Variants in NBPF12 observed in about 807,000 individuals in gnomAD.
The protein encoded by NBPF12 is NBPF member 12.
A neutral mutation model predicts 146.4 loss-of-function variants in NBPF12; 115 were observed. The ratio of observed to expected loss-of-function variants is 0.79; its 90% CI spans 0.68 to 0.92. The LOEUF is 0.92. NBPF12 is among the 40% of genes least tolerant of loss of function. The pLI is 0.00. For missense variants in NBPF12, 1,205 were observed against 1,326.8 expected (o/e 0.91, Z 1.43); for synonymous variants, 385 against 508.9 (o/e 0.76, Z 3.28).
At chr1:146,962,884 C>A (rs1373497788) in intron 5 of NBPF12, among the ~76,000 whole-genome samples, 1 of 151,308 alleles carries the variant, frequency 6.6e-6, no homozygotes, top group African/African-American at 2.4e-5. Context: ...GGAACATCAT[C>A]GAGGATCTTG....
At chr1:146,966,878 G>C (rs1320050491) in intron 9 of NBPF12, among the ~76,000 whole-genome samples, 1 of 150,082 alleles carries the variant, frequency 6.7e-6, no homozygotes, top group Non-Finnish European at 1.5e-5. Context: ...AATCAGGTGG[G>C]GGTGGGACTA....
intron 8 of NBPF12, 112 bp from the exon 12 acceptor site, chr1:146,966,352 A>T: frequency 7.2e-6 from 7 of 973,138 alleles, no homozygotes; most frequent in East Asian, 2.4e-5. Flanking sequence ...CCAGGGAAAC[A>T]TCATCTTCGA....
intron 6 of NBPF12, 128 bp from the exon 10 acceptor site, chr1:146,964,229 T>C (rs1379555169): frequency 6.9e-6 from 10 of 1,444,690 alleles, no homozygotes; most frequent in South Asian, 6.0e-5. Context: ...TTGTGAAGGA[T>C]AAAACATGAG....
chr1:146,971,820 A>G (rs1368921022), intron 13 of NBPF12, among the ~76,000 whole-genome samples: 2 of 150,254 alleles, frequency 1.3e-5, no homozygotes, highest in African/African-American at 2.5e-5. Context: ...TGGCTCACAC[A>G]TGTAATCCCA....
chr1:146,957,941 T>C (rs1373601770), intron 2 of NBPF12, among the ~76,000 whole-genome samples: 1 of 118,040 alleles, frequency 8.5e-6, no homozygotes, highest in African/African-American at 2.8e-5. Context: ...TATTCGTGTG[T>C]GTATATATAT....
intron 19 of NBPF12, among the ~76,000 whole-genome samples, chr1:146,982,500 A>T (rs1473614041): frequency 1.3e-5 from 2 of 151,694 alleles, no homozygotes; most frequent in African/African-American, 4.9e-5. Flanking sequence ...AAGTAAATAT[A>T]TTATATCAAA....
intron 4 of NBPF12, among the ~76,000 whole-genome samples, chr1:146,961,145 AAAAC>A (rs1341842417): frequency 0.039 from 5,945 of 152,176 alleles, 135 homozygotes; most frequent in African/African-American, 0.043. Flanking sequence ...GACTCGTCAA[AAAAC>A]AAACAAACAA....
At chr1:146,945,768 C>T (rs1489711649), upstream of NBPF12, among the ~76,000 whole-genome samples, 1 of 152,080 alleles carries the variant, frequency 6.6e-6, no homozygotes, top group Non-Finnish European at 1.5e-5. Context: ...CCATTCGTTA[C>T]AATTGATGAA....
chr1:146,992,434 T>TCTCTCTCTC, intron 31 of NBPF12, among the ~76,000 whole-genome samples: 1 of 81,566 alleles, frequency 1.2e-5, no homozygotes, highest in East Asian at 4.7e-4. Flanking sequence ...ACTGAGCTCG[T>TCTCTCTCTC]TCTCTCTCTC....
chr1:146,940,487 T>C (rs1483993549), intron 1 of NBPF12, among the ~76,000 whole-genome samples: 1 of 148,772 alleles, frequency 6.7e-6, no homozygotes, highest in Non-Finnish European at 1.5e-5. Flanking sequence ...GCCCGGGAGG[T>C]TGAGATTGCA....
At position 146,957,827 on chromosome 1, in the gene NBPF12, GAA is replaced by G. The variant is rs1208926833; in HGVS notation, c.-183-2023_-183-2022del. ...AGCCCTCGCTCCGCCACTTAAAAAAGAAAAAAAAAATATAATATATATATATA... is the reference window on the plus strand; with the variant it reads ...AGCCCTCGCTCCGCCACTTAAAAAAGAAAAAAAATATAATATATATATATA... On this transcript the variant is annotated intron_variant, in intron 2 of 33. Coordinates refer to ENST00000617844, the Ensembl canonical transcript of NBPF12. Among the ~76,000 whole-genome samples, 6 of 79,070 alleles carry G rather than the reference GAA, an allele frequency of 7.6e-5. 1 individual carries two copies. In the Admixed American group the frequency reaches 1.0e-3, roughly 13 times the overall value. 51.9% of individuals were successfully genotyped at this position (79,070 alleles called of 152,430 possible).
chr1:146,981,364 A>AT (rs1657378648), intron 19 of NBPF12, among the ~76,000 whole-genome samples: 2 of 149,472 alleles, frequency 1.3e-5, no homozygotes, highest in African/African-American at 4.9e-5. Flanking sequence ...GGAAAAAAAA[A>AT]GAATGTTGAA....
chr1:146,964,535 T>C, intron 7 of NBPF12, 106 bp downstream of exon 10: 1 of 1,560,912 alleles, frequency 6.4e-7, no homozygotes, highest in East Asian at 2.2e-5. Flanking sequence ...CGCATTCCCT[T>C]GGCCACAGTA....
rs1656104423 is a variant in NBPF12, at chr1:146,965,120, C to T, written c.778+16C>T. The stretch of plus-strand genomic sequence containing the variant: ...ATTCTCCCAGGTAGCCTCTATTTTC[C>T]TTGTGTCTCATACCTCTGTCTAGGC... On this transcript the variant is annotated intron_variant, in intron 8 of 33. Transcript: ENST00000617844. The T allele has an allele frequency of 1.1e-5, 15 of 1,408,378 alleles. No individual in the cohort carries two copies. The South Asian group carries it at 1.4e-4, about 13-fold the overall frequency. 87.2% of individuals were successfully genotyped at this position (1,408,378 alleles called of 1,614,324 possible). A position where few individuals can be genotyped will look rare whatever the true frequency, so the allele number is the denominator to read the frequency against.
Position 146,971,059 on chromosome 1 carries a change from A to G in NBPF12, c.1380-124A>G. On this transcript the variant is annotated intron_variant, in intron 12 of 33. Coordinates refer to ENST00000617844, the Ensembl canonical transcript of NBPF12. ...GGATTGCCTGTTCCCTCTTAAAGGG[A>G]ACCTCCATTTTGCTTTCTGGGACCA... 3 of 1,483,504 alleles carry G rather than the reference A, an allele frequency of 2.0e-6. No homozygotes were observed. The South Asian group carries it at 3.4e-5, about 17-fold the overall frequency. 91.9% of individuals were successfully genotyped at this position (1,483,504 alleles called of 1,614,324 possible). A position where few individuals can be genotyped will look rare whatever the true frequency, so the allele number is the denominator to read the frequency against.
intron 13 of NBPF12, among the ~76,000 whole-genome samples, chr1:146,972,032 G>A (rs1656666432): frequency 6.7e-6 from 1 of 148,534 alleles, no homozygotes; most frequent in Non-Finnish European, 1.5e-5. Context: ...ATCTTGCAGT[G>A]AGCCGAGATT....
intron 21 of NBPF12, 150 bp from the exon 25 acceptor site, chr1:146,984,663 C>G (rs1553888398): frequency 1.9e-5 from 13 of 683,994 alleles, no homozygotes; most frequent in Non-Finnish European, 3.1e-5. Flanking sequence ...CCTAGTCTAT[C>G]ACAACATAAA....
intron 16 of NBPF12, among the ~76,000 whole-genome samples, chr1:146,976,596 A>G (rs1159487098): frequency 6.7e-6 from 1 of 149,370 alleles, no homozygotes; most frequent in Admixed American, 6.6e-5. Context: ...CTGTGACAGG[A>G]CACCAAGCCT....
At chr1:146,980,382 G>C (rs1209579049) in intron 19 of NBPF12, among the ~76,000 whole-genome samples, 2 of 152,002 alleles carry the variant, frequency 1.3e-5, no homozygotes, top group African/African-American at 2.4e-5. Context: ...TATTTCACCC[G>C]TTAGTTGATG....
Sources: allele counts gnomAD v4.1 joint callset (sites outside exome capture counted in the v4.1 genomes callset), GRCh38; gene constraint gnomAD v4.1.1; transcripts MANE v1.5; gene names NCBI Gene and HGNC (gene_info 2026-07-23, HGNC 2026-07-21).